CRAMP1: variants seen among roughly 807,000 people sequenced by gnomAD.
CRAMP1 encodes cramped chromatin regulator 1.
A neutral mutation model predicts 115.4 loss-of-function variants in CRAMP1; 50 were observed. The ratio of observed to expected loss-of-function variants is 0.43; its 90% CI spans 0.35 to 0.55. CRAMP1 has a LOEUF of 0.55. CRAMP1 is among the 20% of genes least tolerant of loss of function. The pLI, the probability that CRAMP1 is intolerant of heterozygous loss-of-function variation, is 0.01. For missense variants in CRAMP1, 1,679 were observed against 1,721.7 expected, an observed-to-expected ratio of 0.98 and a Z score of 0.44; for synonymous variants, 866 against 745.4, an observed-to-expected ratio of 1.16 and a Z score of -2.64.
chr16:1,652,936 G>T, intron 7 of CRAMP1, 97 bp from the exon 8 acceptor site: 10 of 1,461,768 alleles, frequency 6.8e-6, no homozygotes, highest in Non-Finnish European at 8.4e-6. Context: ...AAGGCCATCT[G>T]CTCACAGCTG....
rs1366899372 is a variant in CRAMP1 at position 1,652,597 on chromosome 16, G to T, written c.913+16G>T. 6.5e-7 allele frequency: 1 copy of T among 1,549,604 alleles called. No individual in the cohort carries two copies. Among genetic ancestry groups the T allele is most frequent in the Non-Finnish European group, 8.7e-7 (1 of 1,145,144 alleles). Reference sequence around the variant, plus strand: ...GATCCAGATGGTAAGTGAATGGGGCGCTCCCGGGACCAGAGGCGGTGCCCA... The same window carrying T: ...GATCCAGATGGTAAGTGAATGGGGCTCTCCCGGGACCAGAGGCGGTGCCCA... On this transcript the variant is annotated intron_variant, in intron 7 of 20. Transcript: ENST00000397412.
rs1365604662 is a variant in CRAMP1 at position 1,669,249 on chromosome 16, C to T, written c.3499+84C>T. ...CGGGACACTGGATTCTCATTCTACT[C>T]AAACTCCCACTAGGACTGTTGGCTT... On this transcript the variant is annotated intron_variant, in intron 19 of 20. Coordinates refer to ENST00000397412, the MANE Select transcript of CRAMP1 (RefSeq NM_020825.4). The surrounding 1 kb of genome is among the most constrained non-coding windows in gnomAD (Gnocchi z 4.6). 8 of 1,063,852 alleles carry T rather than the reference C, an allele frequency of 7.5e-6. No individual in the cohort carries two copies. Among genetic ancestry groups the T allele is most frequent in the Non-Finnish European group, 1.1e-5 (8 of 754,102 alleles). 65.9% of individuals were successfully genotyped at this position (1,063,852 alleles called of 1,614,324 possible).
intron 9 of CRAMP1, 87 bp downstream of exon 9, chr16:1,655,387 G>A (rs1041966910): frequency 4.9e-5 from 52 of 1,066,884 alleles, no homozygotes; most frequent in Admixed American, 2.4e-4. Flanking sequence ...GCCTGTCATC[G>A]TCATGGTCCC....
At chr16:1,629,095 C>A (rs1168294984) in intron 3 of CRAMP1, among the ~76,000 whole-genome samples, 3 of 152,224 alleles carry the variant, frequency 2.0e-5, no homozygotes, top group African/African-American at 4.8e-5. Context: ...AGTTCCTGTT[C>A]CTGCTTATAT....
chr16:1,615,249 C>G (rs911699041), intron 2 of CRAMP1, among the ~76,000 whole-genome samples: 1 of 152,220 alleles, frequency 6.6e-6, no homozygotes, highest in African/African-American at 2.4e-5. Flanking sequence ...AAAGCTGTTT[C>G]CTTTCCAAAG....
rs749096686 is a variant in CRAMP1, at chr16:1,656,160, C to G, written c.1403C>G (p.Ala468Gly). 6.8e-5 allele frequency: 109 copies of G among 1,606,864 alleles called. No homozygotes were observed. The highest frequency in any genetic ancestry group is 8.8e-5 in the Non-Finnish European group (104 of 1,177,604). The change falls in exon 10 of 21, where the codon GCT becomes GGT. Residue 468 changes from alanine to glycine, a missense_variant. Physicochemically the swap from Ala to Gly is moderately conservative, Grantham distance 60. This residue lies in a region of CRAMP1 where 405 missense variants were observed against 302.6 expected (regional missense o/e 1.34). Transcript: ENST00000397412. The surrounding 1 kb of genome is among the most constrained non-coding windows in gnomAD (Gnocchi z 5.6). ...RGQVKCPRSG[A>G]EGKGVGRPPP... ...CAGGTGAAATGCCCGCGGAGCGGAGCTGAGGGCAAGGGTGTGGGGCGGCCC... is the reference window on the plus strand; with the variant it reads ...CAGGTGAAATGCCCGCGGAGCGGAGGTGAGGGCAAGGGTGTGGGGCGGCCC...
In CRAMP1 at chr16:1,671,915, C is replaced by A. The variant is rs747690009; in HGVS notation, c.3645+1106C>A. Among the ~76,000 whole-genome samples, 4 of 152,196 alleles carry A rather than the reference C, an allele frequency of 2.6e-5. No individual in the cohort carries two copies. Among genetic ancestry groups the A allele is most frequent in the Non-Finnish European group, 4.4e-5 (3 of 68,038 alleles). ...ACATAGACACAATTAATAGCGTAGA[C>A]CTCCATCTCACAGTGTGTGGCGTTT... is the stretch of plus-strand genomic sequence containing the variant. On this transcript the variant is annotated intron_variant, in intron 20 of 20. Coordinates refer to ENST00000397412, the MANE Select transcript of CRAMP1 (RefSeq NM_020825.4). The surrounding 1 kb of genome is among the most constrained non-coding windows in gnomAD (Gnocchi z 5.0).
Position 1,670,734 on chromosome 16 carries a change from C to T in CRAMP1, c.3570C>T (p.Ser1190=), listed in dbSNP as rs761508618. 5 of 1,614,042 alleles carry T rather than the reference C, an allele frequency of 3.1e-6. No individual in the cohort carries two copies. The Admixed American group carries it at 5.0e-5, about 16-fold the overall frequency. The change falls in exon 20 of 21, where the codon TCC becomes TCT. Residue 1190 remains serine (S), a synonymous_variant. Transcript: ENST00000397412. ...CCATTGGGACCAACAGTGGCACTTC[C>T]TTGCTTGGCCCCAGCTTGTTGGATG... ...PTPIGTNSGT[S]LLGPSLLDGN...
Position 1,674,030 on chromosome 16 carries a change from T to C in CRAMP1, c.3795T>C (p.Ser1265=). The C allele has an allele frequency of 6.2e-7, 1 of 1,611,998 alleles. No individual in the cohort carries two copies. The highest frequency in any genetic ancestry group is 8.5e-7 in the Non-Finnish European group (1 of 1,179,810). The change falls in exon 21 of 21, where the codon AGT becomes AGC. Residue 1265 remains serine (S), a synonymous_variant. Coordinates refer to ENST00000397412, the MANE Select transcript of CRAMP1 (RefSeq NM_020825.4). ...GTGGTGGAGGCGGCCCCGCTGTCAG[T>C]GACCTGTCCCAGTGACCACACGTCC... is the stretch of plus-strand genomic sequence containing the variant. ...FDGGGGGPAV[S]DLSQ
chr16:1,655,769 C>T, intron 9 of CRAMP1, 108 bp from the exon 10 acceptor site: 2 of 1,273,992 alleles, frequency 1.6e-6, no homozygotes, highest in Non-Finnish European at 2.2e-6. Context: ...ATGATTTATA[C>T]CCTGGGGGAT....
At chr16:1,621,347 G>A (rs907579081) in intron 2 of CRAMP1, among the ~76,000 whole-genome samples, 37 of 152,260 alleles carry the variant, frequency 2.4e-4, no homozygotes, top group African/African-American at 8.7e-4. Context: ...TCACTGCACC[G>A]TCTGCACAGC....
intron 3 of CRAMP1, among the ~76,000 whole-genome samples, chr16:1,630,412 A>G (rs1040815571): frequency 1.3e-5 from 2 of 152,166 alleles, no homozygotes; most frequent in Non-Finnish European, 2.9e-5. Context: ...TCAGCCTCCT[A>G]AAGTGCTGGG....
intron 6 of CRAMP1, among the ~76,000 whole-genome samples, chr16:1,651,642 G>A (rs1340704515): frequency 1.4e-5 from 2 of 144,718 alleles, no homozygotes; most frequent in African/African-American, 5.2e-5. Context: ...CCTAGAGGTG[G>A]ATTGAAGTCA....
chr16:1,637,960 T>G, intron 5 of CRAMP1, 53 bp downstream of exon 5: 1 of 933,520 alleles, frequency 1.1e-6, no homozygotes. Context: ...CTTTGTCACC[T>G]TTGGGCTTTA....
intron 11 of CRAMP1, among the ~76,000 whole-genome samples, chr16:1,661,203 TC>T (rs1272718855): frequency 6.6e-6 from 1 of 152,086 alleles, no homozygotes; most frequent in Non-Finnish European, 1.5e-5. Context: ...ATACCTGTGG[TC>T]CCAGCTACTC....
chr16:1,632,167 C>T, intron 3 of CRAMP1, 45 bp from the exon 4 acceptor site: 1 of 1,528,544 alleles, frequency 6.5e-7, no homozygotes, highest in South Asian at 1.2e-5. Flanking sequence ...CAGAAAGCTG[C>T]ATTGTTTTAA....
In CRAMP1 at chr16:1,655,299, T is replaced by C; in HGVS notation, c.1118T>C (p.Val373Ala). 1.2e-6 allele frequency: 2 copies of C among 1,613,472 alleles called. No homozygotes were observed. The highest frequency in any genetic ancestry group is 1.7e-5 in the Admixed American group (1 of 60,020). ...AAGTGGGCGCTCCATGAGGTGCGAG[T>C]TGTATCCTTTTCCAGCTAAAGCAAA... ...KQKWALHEVR[V>A]RKTLEERQLQ... The change falls in exon 9 of 21, where the codon GTT becomes GCT. Residue 373 changes from valine (V) to alanine (A), a missense_variant and splice_region_variant. Physicochemically the swap from Val to Ala is moderately conservative, Grantham distance 64. Coordinates refer to ENST00000397412, the MANE Select transcript of CRAMP1 (RefSeq NM_020825.4).
In CRAMP1 at chr16:1,621,119, C is replaced by T. The variant is rs564000847; in HGVS notation, c.347-4854C>T. 1.3e-4 allele frequency among the ~76,000 whole-genome samples: 20 copies of T among 152,284 alleles called. No individual in the cohort carries two copies. The South Asian group carries it at 3.7e-3, about 28-fold the overall frequency. ...AGCAGCTGTGTGGCTTTGTGGGTGA[C>T]CTACTCAGCCCGTGCCTCAGCTTCC... On this transcript the variant is annotated intron_variant, in intron 2 of 20. Transcript: ENST00000397412.
rs2036552966 is a variant in CRAMP1 at position 1,632,223 on chromosome 16, C to T, written c.552C>T (p.Asp184=). Residue 184 remains aspartate (D), a synonymous_variant, in exon 4 of 21, where the codon GAC becomes GAT. Transcript: ENST00000397412. ...FFEGLYEHGK[D]FEAIQNNIAL... ...AATTTATTTTCCAGCATGGGAAAGA[C>T]TTTGAAGCGATTCAGAACAACATTG... 1.9e-6 allele frequency: 3 copies of T among 1,559,232 alleles called. No homozygotes were observed.
Sources: allele counts gnomAD v4.1 joint callset (sites outside exome capture counted in the v4.1 genomes callset), GRCh38; gene constraint gnomAD v4.1.1; regional missense constraint gnomAD v4.1.1; non-coding constraint Gnocchi (gnomAD v3.1); transcripts MANE v1.5; gene names NCBI Gene and HGNC (gene_info 2026-07-23, HGNC 2026-07-21).